The following RBBP6 variants were observed in gnomAD, a reference collection of about 807,000 sequenced individuals.
RBBP6 encodes E3 ubiquitin-protein ligase RBBP6.
In RBBP6, 25 loss-of-function variants were observed where a neutral mutation model predicts 167.7. The ratio of observed to expected loss-of-function variants is 0.15; its 90% CI spans 0.11 to 0.21. RBBP6 has a LOEUF of 0.21. Among genes scored for constraint, RBBP6 ranks in the 10% least tolerant of loss-of-function variants. The pLI is 1.00. For missense variants in RBBP6, 1,868 were observed against 2,134.2 expected, an observed-to-expected ratio of 0.88 and a Z score of 2.46; for synonymous variants, 789 against 735.8, an observed-to-expected ratio of 1.07 and a Z score of -1.17.
chr16:24,563,244 G>A lies in RBBP6; in HGVS notation c.1335G>A (p.Glu445=). The A allele has an allele frequency of 1.9e-6, 3 of 1,611,508 alleles. No individual in the cohort carries two copies. The highest frequency in any genetic ancestry group is 1.1e-5 in the South Asian group (1 of 90,294). Residue 445 remains glutamate, a synonymous_variant, in exon 11 of 18, where the codon GAG becomes GAA. Transcript: ENST00000319715. ...KILPAAALAS[E]HSKGTSSIAI... is the part of the protein sequence containing the mutation. ...TGCCAGCTGCAGCTCTTGCATCAGA[G>A]CACTCAAAGGGAACCTCCTCAATTG...
At chr16:24,555,439 A>G in intron 4 of RBBP6, 176 bp from the exon 5 acceptor site, 1 of 565,226 alleles carries the variant, frequency 1.8e-6, no homozygotes, top group South Asian at 2.3e-5. Flanking sequence ...ACACCTAAAC[A>G]TCATGTAATT....
At position 24,563,489 on chromosome 16, in the gene RBBP6, A is replaced by C. The variant is rs1290411453; in HGVS notation, c.1453A>C (p.Ile485Leu). 1.2e-6 allele frequency: 2 copies of C among 1,612,008 alleles called. No individual in the cohort carries two copies. Among genetic ancestry groups the C allele is most frequent in the East Asian group, 4.5e-5 (2 of 44,796 alleles). ...ACAGTCATTATTGCATGGACAGTTG[A>C]TCCCCACAACTGGTGAGTAAGATCA... ...LGQSLLHGQL[I>L]PTTGPVRINT... The change falls in exon 12 of 18, where the codon ATC becomes CTC. Residue 485 changes from isoleucine (I) to leucine (L), a missense_variant. Ile to Leu is a conservative substitution (Grantham distance 5, BLOSUM62 2). This residue lies in a region of RBBP6 where 245 missense variants were observed against 240.1 expected (regional missense o/e 1.02). Coordinates refer to ENST00000319715, the MANE Select transcript of RBBP6 (RefSeq NM_006910.5).
At chr16:24,542,366 A>C (rs1477386821) in intron 1 of RBBP6, among the ~76,000 whole-genome samples, 1 of 152,164 alleles carries the variant, frequency 6.6e-6, no homozygotes, top group Non-Finnish European at 1.5e-5. Context: ...ATCGTCATAT[A>C]TTCAGGTTTC....
chr16:24,572,011 A>G lies in RBBP6; in HGVS notation c.4945A>G (p.Asn1649Asp). 3 of 1,614,122 alleles carry G rather than the reference A, an allele frequency of 1.9e-6. No individual in the cohort carries two copies. The highest frequency in any genetic ancestry group is 2.5e-6 in the Non-Finnish European group (3 of 1,179,996). The change falls in exon 18 of 18, where the codon AAT becomes GAT. Residue 1649 changes from asparagine (N) to aspartate (D), a missense_variant. By Grantham distance (23) the Asn-to-Asp change is conservative (BLOSUM62 1). Coordinates refer to ENST00000319715, the MANE Select transcript of RBBP6 (RefSeq NM_006910.5). ...CTATAATGAAAGTGACAGTGAAAGT[A>G]ATGTTTCTGTAAAAGAAGAGGAATC... ...PDYNESDSES[N>D]VSVKEEESSG... is the part of the protein sequence containing the mutation.
intron 1 of RBBP6, among the ~76,000 whole-genome samples, chr16:24,542,996 ATG>A (rs1192275401): frequency 6.6e-6 from 1 of 152,160 alleles, no homozygotes; most frequent in African/African-American, 2.4e-5. Flanking sequence ...GAGGGAGAAA[ATG>A]TGTATTTTAT....
At chr16:24,545,814 G>A (rs750190565) in intron 1 of RBBP6, among the ~76,000 whole-genome samples, 3 of 152,192 alleles carry the variant, frequency 2.0e-5, no homozygotes, top group Admixed American at 6.5e-5. Flanking sequence ...AACGTTTAGG[G>A]ACTAGGAGAG....
Position 24,564,805 on chromosome 16 carries a change from A to C in RBBP6, c.1529A>C (p.Lys510Thr), listed in dbSNP as rs1899153970. 1.9e-6 allele frequency: 3 copies of C among 1,612,696 alleles called. No homozygotes were observed. Residue 510 changes from lysine (K) to threonine (T), a missense_variant, in exon 14 of 18, where the codon AAA (lysine) becomes ACA (threonine). Coordinates refer to ENST00000319715, the MANE Select transcript of RBBP6 (RefSeq NM_006910.5). ...TTTTTTCTCCCACACAGTTCCAACAAACTTGGCTATCTGGTTTCTCCACCA... is the reference window on the plus strand; with the variant it reads ...TTTTTTCTCCCACACAGTTCCAACACACTTGGCTATCTGGTTTCTCCACCA... ...GGRPGWEHSNKLGYLVSPPQQ... is the reference protein window; with the variant it reads ...GGRPGWEHSNTLGYLVSPPQQ...
chr16:24,563,030 A>G (rs567157095), intron 10 of RBBP6, among the ~76,000 whole-genome samples, 169 bp from the exon 11 acceptor site: 77 of 152,332 alleles, frequency 5.1e-4, no homozygotes, highest in South Asian at 1.9e-3. Context: ...TACTACATAT[A>G]GAGAACTCTT....
At position 24,567,047 on chromosome 16, in the gene RBBP6, T is replaced by C. The variant is rs556259782; in HGVS notation, c.1590-96T>C. 4.7e-5 allele frequency: 62 copies of C among 1,329,354 alleles called. No homozygotes were observed. The East Asian group carries it at 1.5e-3, about 32-fold the overall frequency. 82.3% of individuals were successfully genotyped at this position (1,329,354 alleles called of 1,614,324 possible). The stretch of plus-strand genomic sequence containing the variant: ...AATAGTTGGTTCTATTCCACTGTTT[T>C]TAAGTTTGAAAATAATTATGGATAG... On this transcript the variant is annotated intron_variant, in intron 14 of 17. Coordinates refer to ENST00000319715, the MANE Select transcript of RBBP6 (RefSeq NM_006910.5).
chr16:24,570,442 T>A lies in RBBP6; in HGVS notation c.3752T>A (p.Val1251Asp). 1 of 1,605,886 alleles carries A rather than the reference T, an allele frequency of 6.2e-7. No homozygotes were observed. Among genetic ancestry groups the A allele is most frequent in the South Asian group, 1.1e-5 (1 of 89,242 alleles). The change falls in exon 17 of 18, where the codon GTC becomes GAC. Residue 1251 changes from valine (V) to aspartate (D), a missense_variant. Physicochemically the swap from Val to Asp is radical, Grantham distance 152 (BLOSUM62 -3). This residue lies in a region of RBBP6 where 673 missense variants were observed against 691.5 expected (regional missense o/e 0.97). Transcript: ENST00000319715. Reference protein sequence around the residue: ...KVKQEKVKGKVRRKVTGTEGS... With the variant: ...KVKQEKVKGKDRRKVTGTEGS... ...AAACAAGAAAAAGTCAAAGGAAAGG[T>A]CAGACGAAAAGTGACTGGAACTGAA...
rs1899370055 is a variant in RBBP6, at chr16:24,572,674, A to G, written c.*229A>G. 2 of 473,408 alleles carry G rather than the reference A, an allele frequency of 4.2e-6. No homozygotes were observed. The highest frequency in any genetic ancestry group is 4.3e-5 in the South Asian group (1 of 23,490). The allele number at this position is 473,408 out of a possible 1,614,324, so 29.3% of individuals were successfully genotyped here. ...ATGAGAGGTTTTGCTAGGGCCTATTATTTTTAACCACCATTAATTAGTTGG... is the reference window on the plus strand; with the variant it reads ...ATGAGAGGTTTTGCTAGGGCCTATTGTTTTTAACCACCATTAATTAGTTGG... On this transcript the variant is annotated 3_prime_UTR_variant, in exon 18 of 18. Coordinates refer to ENST00000319715, the MANE Select transcript of RBBP6 (RefSeq NM_006910.5).
rs397962167 is a variant in RBBP6 at position 24,556,995 on chromosome 16, C to CTTTTTTTT, written c.674+562_674+569dup. On this transcript the variant is annotated intron_variant, in intron 7 of 17. Coordinates refer to ENST00000319715, the MANE Select transcript of RBBP6 (RefSeq NM_006910.5). ...ATAGCTCTATAAAACACCTTAATGCCTTTTTTTTTTTTTTTTTTTTTGAGA... is the reference window on the plus strand; with the variant it reads ...ATAGCTCTATAAAACACCTTAATGCCTTTTTTTTTTTTTTTTTTTTTTTTTTTTTGAGA... Among the ~76,000 whole-genome samples the CTTTTTTTT allele has an allele frequency of 9.2e-5, 10 of 108,864 alleles. 1 individual carries two copies. Among genetic ancestry groups the CTTTTTTTT allele is most frequent in the African/African-American group, 2.5e-4 (7 of 27,786 alleles). 71.4% of individuals were successfully genotyped at this position (108,864 alleles called of 152,430 possible). A position where few individuals can be genotyped will look rare whatever the true frequency, so the allele number is the denominator to read the frequency against.
chr16:24,570,942 G>T lies in RBBP6; in HGVS notation c.3876G>T (p.Val1292=). 1 of 1,604,872 alleles carries T rather than the reference G, an allele frequency of 6.2e-7. No individual in the cohort carries two copies. Among genetic ancestry groups the T allele is most frequent in the South Asian group, 1.1e-5 (1 of 90,006 alleles). ...AAAAAACAGATACAAAGCGAACTGT[G>T]ATTAAAACGATGGAAGAATATAATA... ...SEEKTDTKRT[V]IKTMEEYNND... is the part of the protein sequence containing the mutation. Residue 1292 remains valine, a synonymous_variant, in exon 18 of 18, where the codon GTG becomes GTT. Transcript: ENST00000319715.
intron 3 of RBBP6, among the ~76,000 whole-genome samples, chr16:24,550,681 G>A (rs952743931): frequency 1.3e-5 from 2 of 150,930 alleles, no homozygotes; most frequent in African/African-American, 4.9e-5. Flanking sequence ...CGGCATGTCT[G>A]TATTACATTT....
Position 24,572,499 on chromosome 16 carries a change from G to A in RBBP6, c.*54G>A, listed in dbSNP as rs1899367144. ...TACTAAGTCATCTGTATTAAATTTT[G>A]TTATAATGTAAAGAGATTCAAGCCT... On this transcript the variant is annotated 3_prime_UTR_variant, in exon 18 of 18. Transcript: ENST00000319715. The A allele has an allele frequency of 2.7e-6, 4 of 1,475,182 alleles. No individual in the cohort carries two copies. The highest frequency in any genetic ancestry group is 2.7e-5 in the Admixed American group (1 of 36,708). 91.4% of individuals were successfully genotyped at this position (1,475,182 alleles called of 1,614,324 possible). A position where few individuals can be genotyped will look rare whatever the true frequency, so the allele number is the denominator to read the frequency against.
rs1899283365 is a variant in RBBP6, at chr16:24,569,832, G to A, written c.3142G>A (p.Glu1048Lys). Residue 1048 changes from glutamate (E) to lysine (K), a missense_variant, in exon 17 of 18, where the codon GAA (glutamate) becomes AAA (lysine). By Grantham distance (56) the Glu-to-Lys change is moderately conservative (BLOSUM62 1). Around this residue, in one of 7 missense-constraint regions of RBBP6, gnomAD observed 673 missense variants for 691.5 expected, o/e 0.97. Coordinates refer to ENST00000319715, the MANE Select transcript of RBBP6 (RefSeq NM_006910.5). Reference protein sequence around the residue: ...AKGPQEKVDGERERSPRSEPP... With the variant: ...AKGPQEKVDGKRERSPRSEPP... Reference sequence around the variant, plus strand: ...AGGACCCCAAGAAAAAGTAGATGGAGAACGTGAGAGATCTCCTCGATCTGA... The same window carrying A: ...AGGACCCCAAGAAAAAGTAGATGGAAAACGTGAGAGATCTCCTCGATCTGA... The A allele has an allele frequency of 6.2e-7, 1 of 1,611,396 alleles. No individual in the cohort carries two copies. The highest frequency in any genetic ancestry group is 1.3e-5 in the African/African-American group (1 of 74,576).
chr16:24,543,757 A>G (rs1180797170), intron 1 of RBBP6, among the ~76,000 whole-genome samples: 3 of 152,180 alleles, frequency 2.0e-5, no homozygotes, highest in African/African-American at 7.2e-5. Flanking sequence ...CGACCCCTAA[A>G]AAACAAAACA....
chr16:24,556,752 T>C (rs986469841), intron 7 of RBBP6, among the ~76,000 whole-genome samples: 6 of 152,198 alleles, frequency 3.9e-5, no homozygotes, highest in Admixed American at 6.5e-5. Flanking sequence ...CATAATCTTA[T>C]TATATATGCT....
intron 7 of RBBP6, among the ~76,000 whole-genome samples, chr16:24,557,882 C>T (rs2141467467): frequency 6.6e-6 from 1 of 152,308 alleles, no homozygotes; most frequent in Admixed American, 6.5e-5. Flanking sequence ...ATATGTACTT[C>T]AGCAAATAGT....
Sources: gnomAD v4.1 joint callset for allele counts (sites outside exome capture counted in the v4.1 genomes callset) on GRCh38, gnomAD v4.1.1 for gene constraint, gnomAD v4.1.1 regional missense constraint, MANE v1.5 for transcripts, NCBI Gene and HGNC (gene_info 2026-07-23, HGNC 2026-07-21) for gene names.